Variants in SH2D4B observed in about 807,000 individuals in gnomAD.
SH2D4B encodes SH2 domain containing 4B.
Under a neutral mutation model 61.5 loss-of-function variants are expected in SH2D4B, and 45 were observed. The observed-to-expected ratio is 0.73, with a 90% CI of 0.58 to 0.94. The LOEUF (loss-of-function observed/expected upper bound fraction) is 0.94, where lower values mean the gene tolerates loss of function less well. Ranked by LOEUF, SH2D4B falls within the 40% of genes least tolerant of loss-of-function variation. The pLI is 0.00. For missense variants in SH2D4B, 572 were observed against 574.2 expected (o/e 1.00, Z 0.04); for synonymous variants, 224 against 220.4 (o/e 1.02, Z -0.14).
chr10:80,630,210 A>G (rs936735870), intron 6 of SH2D4B, among the ~76,000 whole-genome samples: 2 of 152,174 alleles, frequency 1.3e-5, no homozygotes, highest in African/African-American at 4.8e-5. Context: ...ACTGCCTGCT[A>G]GAGGAATCTT....
intron 4 of SH2D4B, among the ~76,000 whole-genome samples, chr10:80,595,639 G>T (rs1005111644): frequency 2.0e-5 from 3 of 152,280 alleles, no homozygotes; most frequent in East Asian, 1.9e-4. Context: ...GCACTCAGAG[G>T]CTCTTTGAAT....
intron 1 of SH2D4B, among the ~76,000 whole-genome samples, chr10:80,541,654 T>G (rs992832693): frequency 6.6e-6 from 1 of 151,748 alleles, no homozygotes; most frequent in Non-Finnish European, 1.5e-5. Flanking sequence ...TGGGCTCAAG[T>G]AACACTCCCC....
At chr10:80,639,566 G>T (rs562095216) in intron 7 of SH2D4B, among the ~76,000 whole-genome samples, 7 of 152,206 alleles carry the variant, frequency 4.6e-5, no homozygotes, top group African/African-American at 1.7e-4. Flanking sequence ...GATCTTTGTT[G>T]GTTTAAAGTC....
chr10:80,582,823 G>T (rs1250653431), intron 3 of SH2D4B, among the ~76,000 whole-genome samples: 1 of 152,202 alleles, frequency 6.6e-6, no homozygotes, highest in Non-Finnish European at 1.5e-5. Flanking sequence ...AGGCAGTCCT[G>T]CTTGCAGCCT....
At chr10:80,622,165 A>T (rs1175663592) in intron 6 of SH2D4B, among the ~76,000 whole-genome samples, 1 of 152,120 alleles carries the variant, frequency 6.6e-6, no homozygotes, top group Non-Finnish European at 1.5e-5. Context: ...TCATCAGAAG[A>T]CACAGGCTAT....
intron 3 of SH2D4B, among the ~76,000 whole-genome samples, chr10:80,585,408 G>C (rs544606057): frequency 1.3e-5 from 2 of 150,282 alleles, no homozygotes; most frequent in Non-Finnish European, 2.9e-5. Context: ...TCCACCTCCC[G>C]GGTTCAAGTG....
chr10:80,570,824 A>G (rs1447626871), intron 2 of SH2D4B, among the ~76,000 whole-genome samples: 2 of 152,198 alleles, frequency 1.3e-5, no homozygotes, highest in East Asian at 3.8e-4. Context: ...TCTGACAAGC[A>G]TCTTTTACAT....
chr10:80,621,990 G>A (rs2132153124), intron 6 of SH2D4B, among the ~76,000 whole-genome samples: 1 of 152,200 alleles, frequency 6.6e-6, no homozygotes, highest in East Asian at 1.9e-4. Context: ...CAAAGTGCTG[G>A]GATTACAGGT....
At chr10:80,631,579 A>T (rs1215333723) in intron 6 of SH2D4B, among the ~76,000 whole-genome samples, 1 of 152,246 alleles carries the variant, frequency 6.6e-6, no homozygotes, top group African/African-American at 2.4e-5. Flanking sequence ...AGTTGAATGG[A>T]TAAAGAGATG....
At chr10:80,555,153 C>T (rs1841814574) in intron 1 of SH2D4B, among the ~76,000 whole-genome samples, 1 of 152,068 alleles carries the variant, frequency 6.6e-6, no homozygotes, top group Non-Finnish European at 1.5e-5. Context: ...CTACTGTGTG[C>T]AGTGTGCTTC....
chr10:80,544,993 C>T (rs757936865), intron 1 of SH2D4B, among the ~76,000 whole-genome samples: 1 of 152,186 alleles, frequency 6.6e-6, no homozygotes, highest in Non-Finnish European at 1.5e-5. Context: ...GTCACCCACT[C>T]GCAATGAGCC....
At chr10:80,547,108 G>A (rs1451845765) in intron 1 of SH2D4B, among the ~76,000 whole-genome samples, 1 of 152,114 alleles carries the variant, frequency 6.6e-6, no homozygotes, top group Non-Finnish European at 1.5e-5. Context: ...CACTTTGTCT[G>A]GTTTCATTGC....
intron 1 of SH2D4B, among the ~76,000 whole-genome samples, chr10:80,569,913 AGAGCTCAGTCTTGGAC>A (rs1340291439): frequency 6.6e-6 from 1 of 152,096 alleles, no homozygotes; most frequent in African/African-American, 2.4e-5. Context: ...AGATGGAAGG[AGAGCTCAGTCTTGGAC>A]GCCCACCCCC....
intron 6 of SH2D4B, among the ~76,000 whole-genome samples, chr10:80,626,678 C>T (rs1272665268): frequency 6.6e-6 from 1 of 152,232 alleles, no homozygotes; most frequent in African/African-American, 2.4e-5. Context: ...CTCCCTCACA[C>T]CTCATTACTA....
intron 3 of SH2D4B, among the ~76,000 whole-genome samples, chr10:80,578,419 AG>A (rs79501315): frequency 0.056 from 8,531 of 152,046 alleles, 614 homozygotes; most frequent in East Asian, 0.31. Flanking sequence ...ACAGGGTGCC[AG>A]GGGAGAGAGA....
intron 6 of SH2D4B, among the ~76,000 whole-genome samples, chr10:80,625,000 C>A (rs932586826): frequency 2.0e-5 from 3 of 152,162 alleles, no homozygotes; most frequent in Non-Finnish European, 4.4e-5. Context: ...CCATTGTAAC[C>A]TCTTTTTAAC....
At chr10:80,620,064 C>G (rs1273863426) in intron 6 of SH2D4B, among the ~76,000 whole-genome samples, 2 of 152,164 alleles carry the variant, frequency 1.3e-5, no homozygotes, top group Non-Finnish European at 2.9e-5. Context: ...GTGGCAGGAA[C>G]AGGTTATACA....
chr10:80,611,430 A>G (rs1324411164), intron 6 of SH2D4B, among the ~76,000 whole-genome samples: 2 of 152,190 alleles, frequency 1.3e-5, no homozygotes, highest in African/African-American at 4.8e-5. Context: ...CACATCTGGC[A>G]GAAGGTTGGA....
intron 2 of SH2D4B, 106 bp downstream of exon 2, chr10:80,570,422 G>A (rs1176113793): frequency 2.2e-6 from 3 of 1,377,188 alleles, no homozygotes; most frequent in Non-Finnish European, 2.9e-6. Context: ...GTTCCATCAT[G>A]TTGGCCGGGC....
Sources: allele counts gnomAD v4.1 joint callset (sites outside exome capture counted in the v4.1 genomes callset), GRCh38; gene constraint gnomAD v4.1.1; transcripts MANE v1.5; gene names NCBI Gene and HGNC (gene_info 2026-07-23, HGNC 2026-07-21).